CUL5: variants seen among roughly 807,000 people sequenced by gnomAD.
The protein encoded by CUL5 is cullin 5.
In CUL5, 26 loss-of-function variants were observed where a neutral mutation model predicts 108.8. The observed-to-expected ratio is 0.24, with a 90% CI of 0.18 to 0.33. The LOEUF is 0.33. CUL5 is among the 10% of genes least tolerant of loss of function. The probability of loss-of-function intolerance (pLI) is 1.00; values close to 1 mark genes in which losing one functional copy is unlikely to be tolerated. For synonymous variants in CUL5, 334 were observed against 298.0 expected (o/e 1.12, Z -1.25); for missense variants, 524 against 909.2 (o/e 0.58, Z 5.45).
In CUL5 at chr11:108,053,919, C is replaced by T. The variant is rs192455215; in HGVS notation, c.554-728C>T. ...CCAGGCTGAAGTGCAGTGGCATGCT[C>T]GCTGCAACCTCCACTTCCCAAGTTC... On this transcript the variant is annotated intron_variant, in intron 5 of 18. Coordinates refer to ENST00000393094, the MANE Select transcript of CUL5 (RefSeq NM_003478.6). Among the ~76,000 whole-genome samples, 362 of 152,000 alleles carry T rather than the reference C, an allele frequency of 2.4e-3. 4 individuals are homozygous for T. Among genetic ancestry groups the T allele is most frequent in the Non-Finnish European group, 4.1e-3 (276 of 67,968 alleles).
chr11:108,062,951 T>G (rs1863578469), intron 7 of CUL5, among the ~76,000 whole-genome samples: 3 of 152,108 alleles, frequency 2.0e-5, no homozygotes. Context: ...GTTCAAGTGA[T>G]TCTTCTGCCT....
rs1403222890 is a variant in CUL5 at position 108,105,714 on chromosome 11, A to C, written c.*1330A>C. The C allele has an allele frequency of 6.6e-6, 1 of 152,148 alleles. No individual in the cohort carries two copies. The highest frequency in any genetic ancestry group is 1.5e-5 in the Non-Finnish European group (1 of 67,998). 9.4% of individuals were successfully genotyped at this position (152,148 alleles called of 1,614,324 possible). ...GAGAAAATTGATTCCCCTTGAGGAA[A>C]GAATGGCTCAACGTGGATTTTTATT... On this transcript the variant is annotated 3_prime_UTR_variant, in exon 19 of 19. Coordinates refer to ENST00000393094, the MANE Select transcript of CUL5 (RefSeq NM_003478.6).
intron 7 of CUL5, among the ~76,000 whole-genome samples, chr11:108,059,979 G>A (rs532993857): frequency 4.7e-4 from 71 of 152,200 alleles, no homozygotes; most frequent in African/African-American, 1.7e-3. Context: ...TGGCATGATA[G>A]CTTTTACTGT....
chr11:108,025,195 G>C (rs1270890312), intron 1 of CUL5, among the ~76,000 whole-genome samples: 1 of 151,958 alleles, frequency 6.6e-6, no homozygotes, highest in South Asian at 2.1e-4. Context: ...TACCTTTTTG[G>C]TCATATAGAA....
At chr11:108,086,837 T>C (rs1864231792) in intron 11 of CUL5, among the ~76,000 whole-genome samples, 1 of 152,220 alleles carries the variant, frequency 6.6e-6, no homozygotes, top group Non-Finnish European at 1.5e-5. Flanking sequence ...GACAGGAATA[T>C]TTTGAAATAC....
chr11:108,016,177 A>G (rs1862182463), intron 1 of CUL5, among the ~76,000 whole-genome samples: 1 of 152,086 alleles, frequency 6.6e-6, no homozygotes, highest in Non-Finnish European at 1.5e-5. Flanking sequence ...GGCCTCCCAA[A>G]GTGCTGGGAT....
At chr11:108,053,702 T>G (rs1863299179) in intron 5 of CUL5, among the ~76,000 whole-genome samples, 1 of 149,912 alleles carries the variant, frequency 6.7e-6, no homozygotes, top group African/African-American at 2.5e-5. Context: ...TTTTAAGAGA[T>G]GGGGTTTTGC....
At chr11:108,012,363 C>A (rs775575991) in intron 1 of CUL5, among the ~76,000 whole-genome samples, 4 of 151,990 alleles carry the variant, frequency 2.6e-5, no homozygotes, top group Admixed American at 6.6e-5. Context: ...CTTTACCCAG[C>A]TATTTGAAGT....
At chr11:108,009,900 T>C (rs1311194723) in intron 1 of CUL5, among the ~76,000 whole-genome samples, 2 of 152,094 alleles carry the variant, frequency 1.3e-5, no homozygotes, top group Non-Finnish European at 2.9e-5. Context: ...GTGTTACACC[T>C]TCCCTCCTAA....
intron 1 of CUL5, among the ~76,000 whole-genome samples, chr11:108,026,773 G>A (rs1236987930): frequency 3.9e-5 from 6 of 151,926 alleles, no homozygotes; most frequent in African/African-American, 1.5e-4. Context: ...GGCGGATCAC[G>A]AGGTCAGGAG....
At chr11:108,097,115 T>A (rs1864521519) in intron 16 of CUL5, among the ~76,000 whole-genome samples, 1 of 152,124 alleles carries the variant, frequency 6.6e-6, no homozygotes, top group Non-Finnish European at 1.5e-5. Context: ...TCTCCCAGGT[T>A]CAAGCGATCC....
intron 18 of CUL5, among the ~76,000 whole-genome samples, chr11:108,102,065 A>G (rs1044770318): frequency 1.2e-4 from 19 of 152,100 alleles, no homozygotes; most frequent in African/African-American, 3.6e-4. Context: ...CCTGTTGCCC[A>G]GGCTGGGGTG....
chr11:108,051,463 A>G (rs1285015056), intron 4 of CUL5, among the ~76,000 whole-genome samples: 4 of 152,228 alleles, frequency 2.6e-5, no homozygotes, highest in Admixed American at 6.5e-5. Context: ...CATAGTACCT[A>G]TATCAAGATT....
At chr11:108,102,329 A>G (rs997049455) in intron 18 of CUL5, among the ~76,000 whole-genome samples, 25 of 145,376 alleles carry the variant, frequency 1.7e-4, no homozygotes, top group Non-Finnish European at 3.6e-4. Context: ...TGCCCGGCCT[A>G]TTTTTCTATT....
chr11:108,011,517 AT>A (rs897655925), intron 1 of CUL5, among the ~76,000 whole-genome samples: 1 of 152,148 alleles, frequency 6.6e-6, no homozygotes, highest in African/African-American at 2.4e-5. Flanking sequence ...AGGTGATAAT[AT>A]TTTGAAAAAA....
intron 5 of CUL5, among the ~76,000 whole-genome samples, chr11:108,053,761 C>T (rs1863301667): frequency 6.6e-6 from 1 of 151,422 alleles, no homozygotes; most frequent in Non-Finnish European, 1.5e-5. Flanking sequence ...CTCATTGAGC[C>T]TCCACCTCTC....
rs1864815775 is a variant in CUL5, at chr11:108,106,850, A to AAG, written c.*2467_*2468insGA. ...GCCTCCCCCTCCAAAAAAAAAAAAA[A>AAG]AATTTAATTTTTAAAAATTAGTGGT... On this transcript the variant is annotated 3_prime_UTR_variant, in exon 19 of 19. Coordinates refer to ENST00000393094, the MANE Select transcript of CUL5 (RefSeq NM_003478.6). The AAG allele has an allele frequency of 6.6e-6, 1 of 150,672 alleles. No homozygotes were observed. The highest frequency in any genetic ancestry group is 6.7e-5 in the Admixed American group (1 of 14,972). 9.3% of individuals were successfully genotyped at this position (150,672 alleles called of 1,614,324 possible).
rs1039298612 is a variant in CUL5, at chr11:108,106,285, T to A, written c.*1901T>A. On this transcript the variant is annotated 3_prime_UTR_variant, in exon 19 of 19. Transcript: ENST00000393094. ...AAACAGGAAAAATTGCCGTCCATTTTAAAAATTTAGGTTTGTTGTTTTAAA... is the reference window on the plus strand; with the variant it reads ...AAACAGGAAAAATTGCCGTCCATTTAAAAAATTTAGGTTTGTTGTTTTAAA... The A allele has an allele frequency of 6.5e-6, 1 of 152,678 alleles. No homozygotes were observed. The highest frequency in any genetic ancestry group is 2.4e-5 in the African/African-American group (1 of 41,554). 9.5% of individuals were successfully genotyped at this position (152,678 alleles called of 1,614,324 possible). A position where few individuals can be genotyped will look rare whatever the true frequency, so the allele number is the denominator to read the frequency against.
At chr11:108,044,390 C>T (rs1046024304) in intron 2 of CUL5, among the ~76,000 whole-genome samples, 1 of 151,964 alleles carries the variant, frequency 6.6e-6, no homozygotes, top group Non-Finnish European at 1.5e-5. Flanking sequence ...TGGCACATAC[C>T]TGTGGTCCCA....
Sources: allele counts gnomAD v4.1 joint callset (sites outside exome capture counted in the v4.1 genomes callset), GRCh38; gene constraint gnomAD v4.1.1; transcripts MANE v1.5; gene names NCBI Gene and HGNC (gene_info 2026-07-23, HGNC 2026-07-21).